MALRD1: variants seen among roughly 807,000 people sequenced by gnomAD.
MALRD1 encodes the protein MAM and LDL receptor class A domain containing 1.
MALRD1 carries 247 observed loss-of-function variants against 242.1 expected under a neutral mutation model. The observed-to-expected ratio is 1.02, with a 90% CI of 0.92 to 1.13. The LOEUF (loss-of-function observed/expected upper bound fraction) is 1.13. Among genes scored for constraint, MALRD1 ranks in the 50% most tolerant of loss-of-function variants. The pLI is 0.00. For synonymous variants in MALRD1, 995 were observed against 866.6 expected (o/e 1.15, Z -2.60); for missense variants, 2,989 against 2,533.1 (o/e 1.18, Z -3.86).
intron 35 of MALRD1, among the ~76,000 whole-genome samples, chr10:19,612,984 C>T (rs978198693): frequency 6.6e-6 from 1 of 151,928 alleles, no homozygotes; most frequent in African/African-American, 2.4e-5. Flanking sequence ...CTCATGCCAC[C>T]CTTTCCTTGT....
At chr10:19,414,012 G>C (rs1589041540) in intron 28 of MALRD1, among the ~76,000 whole-genome samples, 1 of 148,662 alleles carries the variant, frequency 6.7e-6, no homozygotes, top group African/African-American at 2.5e-5. Context: ...CCTCATAATT[G>C]ATTCTCCTTC....
At chr10:19,673,211 T>C (rs1564531536) in intron 36 of MALRD1, among the ~76,000 whole-genome samples, 1 of 151,894 alleles carries the variant, frequency 6.6e-6, no homozygotes, top group Non-Finnish European at 1.5e-5. Context: ...TGAAACCCCA[T>C]CTCTACTAAA....
intron 32 of MALRD1, among the ~76,000 whole-genome samples, chr10:19,556,178 C>T (rs766877123): frequency 7.9e-5 from 12 of 152,112 alleles, no homozygotes; most frequent in South Asian, 6.2e-4. Flanking sequence ...AAACAGTTTT[C>T]GTATAATATA....
chr10:19,331,237 AAAAAC>A (rs1382041585), intron 23 of MALRD1, 127 bp from the exon 24 acceptor site: 7 of 762,096 alleles, frequency 9.2e-6, no homozygotes, highest in African/African-American at 2.5e-5. Context: ...TAGGGACATA[AAAAAC>A]AAAAACAAAA....
intron 21 of MALRD1, among the ~76,000 whole-genome samples, chr10:19,292,892 CAAAAAA>C (rs57002523): frequency 2.7e-5 from 2 of 72,860 alleles, no homozygotes; most frequent in African/African-American, 5.4e-5. Flanking sequence ...GACTCTGCCT[CAAAAAA>C]AAAAAAAAAA....
chr10:19,605,818 A>G (rs1838590753), intron 34 of MALRD1, among the ~76,000 whole-genome samples: 1 of 151,942 alleles, frequency 6.6e-6, no homozygotes, highest in Non-Finnish European at 1.5e-5. Context: ...TCACTCCTGT[A>G]TTGTTGTTCT....
intron 33 of MALRD1, among the ~76,000 whole-genome samples, chr10:19,593,212 G>T (rs61841437): frequency 0.03 from 4,624 of 152,156 alleles, 93 homozygotes; most frequent in East Asian, 0.092. Context: ...GTGATCTCAG[G>T]CAGTTAGATT....
intron 21 of MALRD1, among the ~76,000 whole-genome samples, chr10:19,305,774 A>G (rs1470471059): frequency 7.0e-6 from 1 of 143,312 alleles, no homozygotes; most frequent in Non-Finnish European, 1.5e-5. Context: ...TATATACACT[A>G]TACTATATAT....
chr10:19,167,619 T>C (rs770557437), intron 13 of MALRD1, among the ~76,000 whole-genome samples: 2 of 152,186 alleles, frequency 1.3e-5, no homozygotes, highest in African/African-American at 4.8e-5. Context: ...GACAATTGAC[T>C]GTGCTGGAGA....
intron 31 of MALRD1, among the ~76,000 whole-genome samples, chr10:19,508,586 G>A (rs944437208): frequency 6.6e-6 from 1 of 152,140 alleles, no homozygotes; most frequent in Non-Finnish European, 1.5e-5. Flanking sequence ...ATTGACATGT[G>A]CTCTATGTGT....
At chr10:19,105,045 C>G (rs1186933786) in intron 5 of MALRD1, among the ~76,000 whole-genome samples, 1 of 151,914 alleles carries the variant, frequency 6.6e-6, no homozygotes, top group Non-Finnish European at 1.5e-5. Flanking sequence ...GAAATTCTCT[C>G]TATTAGTTAT....
chr10:19,253,100 G>C (rs2131792763), intron 18 of MALRD1, among the ~76,000 whole-genome samples: 1 of 152,056 alleles, frequency 6.6e-6, no homozygotes, highest in South Asian at 2.1e-4. Context: ...AGAGCTTCAT[G>C]TAATGCCTTT....
chr10:19,394,618 C>T (rs985514359), intron 28 of MALRD1, among the ~76,000 whole-genome samples: 7 of 152,114 alleles, frequency 4.6e-5, no homozygotes, highest in Admixed American at 3.9e-4. Flanking sequence ...CCATCCAAAC[C>T]CACCTCCACC....
At chr10:19,244,451 G>A (rs1838949500) in intron 18 of MALRD1, among the ~76,000 whole-genome samples, 1 of 151,988 alleles carries the variant, frequency 6.6e-6, no homozygotes, top group African/African-American at 2.4e-5. Context: ...CATGCCTGTG[G>A]TCCCAGCTAC....
intron 13 of MALRD1, among the ~76,000 whole-genome samples, chr10:19,167,552 G>A (rs1052057277): frequency 1.3e-5 from 2 of 152,124 alleles, no homozygotes; most frequent in Non-Finnish European, 2.9e-5. Flanking sequence ...GCTTTAGGAT[G>A]TAGAGTCACT....
intron 21 of MALRD1, among the ~76,000 whole-genome samples, chr10:19,308,564 T>C (rs1311475291): frequency 4.6e-5 from 7 of 151,580 alleles, no homozygotes; most frequent in African/African-American, 1.7e-4. Context: ...GTTTTGTTCT[T>C]CTTCTAAGAA....
In MALRD1 at chr10:19,091,939, AG is replaced by A. The variant is rs1175787999; in HGVS notation, c.597+3755del. Among the ~76,000 whole-genome samples, 2 of 78,112 alleles carry A rather than the reference AG, an allele frequency of 2.6e-5. 1 individual carries two copies. Among genetic ancestry groups the A allele is most frequent in the Admixed American group, 2.8e-4 (2 of 7,052 alleles). 51.2% of individuals were successfully genotyped at this position (78,112 alleles called of 152,430 possible). On this transcript the variant is annotated intron_variant, in intron 4 of 39. Coordinates refer to ENST00000454679, the MANE Select transcript of MALRD1 (RefSeq NM_001142308.3). Reference sequence around the variant, plus strand: ...TAATCCTGAGTTCTAGTTTGATTGCAGTGTGGTCTGAGAGATAGTTTGTTAT... The same window carrying A: ...TAATCCTGAGTTCTAGTTTGATTGCATGTGGTCTGAGAGATAGTTTGTTAT...
intron 38 of MALRD1, among the ~76,000 whole-genome samples, chr10:19,694,571 C>T (rs191965795): frequency 2.0e-5 from 3 of 152,300 alleles, no homozygotes; most frequent in Non-Finnish European, 4.4e-5. Context: ...AGTCAGGAAA[C>T]AGCAGGTGCT....
rs530421119 is a variant in MALRD1, at chr10:19,680,426, T to C, written c.6138-11856T>C. On this transcript the variant is annotated intron_variant, in intron 36 of 39. Transcript: ENST00000454679. ...TTGTCTTTTTTGATCTTTGTTGGTT[T>C]AAAGTGTGTTTTGCCAGAAACTAGG... is the stretch of plus-strand genomic sequence containing the variant. 2.0e-5 allele frequency among the ~76,000 whole-genome samples: 3 copies of C among 152,322 alleles called. No individual in the cohort carries two copies. The South Asian group carries it at 6.2e-4, about 32-fold the overall frequency.
Sources: gnomAD v4.1 joint callset for allele counts (sites outside exome capture counted in the v4.1 genomes callset) on GRCh38, gnomAD v4.1.1 for gene constraint, MANE v1.5 for transcripts, NCBI Gene and HGNC (gene_info 2026-07-23, HGNC 2026-07-21) for gene names.